SH3GL2: variants seen among roughly 807,000 people sequenced by gnomAD.
SH3GL2 encodes the protein endophilin-A1.
A neutral mutation model predicts 46.0 loss-of-function variants in SH3GL2; 24 were observed. The ratio of observed to expected loss-of-function variants is 0.52; its 90% CI spans 0.38 to 0.73. The LOEUF is 0.73. Among genes scored for constraint, SH3GL2 ranks in the 30% least tolerant of loss-of-function variants. The pLI is 0.00. For missense variants in SH3GL2, 413 were observed against 424.2 expected, an observed-to-expected ratio of 0.97 and a Z score of 0.23; for synonymous variants, 196 against 147.1, an observed-to-expected ratio of 1.33 and a Z score of -2.40.
chr9:17,766,622 A>T (rs993914880), intron 3 of SH3GL2, among the ~76,000 whole-genome samples: 1 of 152,224 alleles, frequency 6.6e-6, no homozygotes, highest in African/African-American at 2.4e-5. Context: ...TATTTTATTT[A>T]ACCCATTATA....
At chr9:17,708,100 CT>C (rs1821521070) in intron 1 of SH3GL2, among the ~76,000 whole-genome samples, 1 of 152,020 alleles carries the variant, frequency 6.6e-6, no homozygotes, top group South Asian at 2.1e-4. Context: ...CCCTGAGGGC[CT>C]CTGAGGTGGG....
At chr9:17,609,905 C>T (rs367867450) in intron 1 of SH3GL2, among the ~76,000 whole-genome samples, 1 of 152,160 alleles carries the variant, frequency 6.6e-6, no homozygotes, top group African/African-American at 2.4e-5. Flanking sequence ...AATCATTTTG[C>T]CACCCTAGAG....
At position 17,672,926 on chromosome 9, in the gene SH3GL2, G is replaced by A. The variant is rs749783338; in HGVS notation, c.46-74140G>A. The stretch of plus-strand genomic sequence containing the variant: ...AGGCCCAACTCAAAATGTCTAAAGT[G>A]AATTAATCTCTTAGCTGTCTTCTCC... On this transcript the variant is annotated intron_variant, in intron 1 of 8. Transcript: ENST00000380607. Among the ~76,000 whole-genome samples, 78 of 152,258 alleles carry A rather than the reference G, an allele frequency of 5.1e-4. 1 individual carries two copies. In the Middle Eastern group the frequency reaches 0.02, roughly 40 times the overall value.
chr9:17,653,789 G>A (rs1030966682), intron 1 of SH3GL2: 1 of 597,410 alleles, frequency 1.7e-6, no homozygotes, highest in Admixed American at 6.3e-5. Flanking sequence ...TCAATTTGAG[G>A]GTGGCTGAAT....
At chr9:17,734,387 A>G (rs12238402) in intron 1 of SH3GL2, among the ~76,000 whole-genome samples, 40,592 of 152,002 alleles carry the variant, frequency 0.27, 6,362 homozygotes, top group East Asian at 0.5. Flanking sequence ...TTGCATTGGT[A>G]AAGTACTTTA....
chr9:17,613,527 C>T (rs1306577155), intron 1 of SH3GL2, among the ~76,000 whole-genome samples: 1 of 152,156 alleles, frequency 6.6e-6, no homozygotes, highest in African/African-American at 2.4e-5. Flanking sequence ...TCTAAGCACC[C>T]TAGAGGAAGG....
chr9:17,716,339 A>G (rs1821757092), intron 1 of SH3GL2, among the ~76,000 whole-genome samples: 2 of 152,114 alleles, frequency 1.3e-5, no homozygotes, highest in South Asian at 2.1e-4. Context: ...GTTCTGGGAC[A>G]CAGCGAAATT....
intron 1 of SH3GL2, among the ~76,000 whole-genome samples, chr9:17,708,555 A>G (rs1159701701): frequency 1.3e-5 from 2 of 152,022 alleles, no homozygotes; most frequent in Non-Finnish European, 2.9e-5. Flanking sequence ...TAACAAATAT[A>G]TACGATTGCG....
chr9:17,589,083 A>G (rs1234866037), intron 1 of SH3GL2: 1 of 152,232 alleles, frequency 6.6e-6, no homozygotes, highest in East Asian at 1.9e-4. Flanking sequence ...GTATATGTGC[A>G]TATGTCCATA....
intron 1 of SH3GL2, among the ~76,000 whole-genome samples, chr9:17,685,817 T>C (rs1030133153): frequency 2.6e-5 from 4 of 152,138 alleles, no homozygotes; most frequent in Non-Finnish European, 5.9e-5. Context: ...ATCTCTGTTT[T>C]GGTACCAGTA....
intron 1 of SH3GL2, among the ~76,000 whole-genome samples, chr9:17,686,737 A>G (rs1036991689): frequency 1.4e-5 from 2 of 140,188 alleles, no homozygotes; most frequent in African/African-American, 5.4e-5. Flanking sequence ...GGAATTGAAC[A>G]GTGAAATCAC....
intron 1 of SH3GL2, among the ~76,000 whole-genome samples, chr9:17,710,099 T>G (rs538042122): frequency 6.6e-6 from 1 of 151,936 alleles, no homozygotes; most frequent in African/African-American, 2.4e-5. Flanking sequence ...GGAACTGATA[T>G]GGTTTGGCTG....
chr9:17,678,647 T>G (rs1371836059), intron 1 of SH3GL2, among the ~76,000 whole-genome samples: 5 of 152,226 alleles, frequency 3.3e-5, no homozygotes, highest in Admixed American at 2.0e-4. Flanking sequence ...TAGATCCCAT[T>G]TGTCAATTTT....
At chr9:17,656,911 A>G (rs999212405) in intron 1 of SH3GL2, among the ~76,000 whole-genome samples, 1 of 152,152 alleles carries the variant, frequency 6.6e-6, no homozygotes, top group Non-Finnish European at 1.5e-5. Context: ...AGAAGTTCTT[A>G]TAGTGAAGAT....
At chr9:17,705,243 C>A (rs1046417294) in intron 1 of SH3GL2, among the ~76,000 whole-genome samples, 1 of 151,994 alleles carries the variant, frequency 6.6e-6, no homozygotes, top group African/African-American at 2.4e-5. Flanking sequence ...CAGACAATAA[C>A]AGATGTTGGC....
intron 1 of SH3GL2, among the ~76,000 whole-genome samples, chr9:17,612,478 T>C (rs1331025784): frequency 2.0e-5 from 3 of 152,212 alleles, no homozygotes; most frequent in Non-Finnish European, 2.9e-5. Flanking sequence ...GTGATTCTTA[T>C]GTACATTAAG....
intron 8 of SH3GL2, among the ~76,000 whole-genome samples, chr9:17,795,135 C>T (rs577445527): frequency 6.6e-6 from 1 of 152,174 alleles, no homozygotes; most frequent in Non-Finnish European, 1.5e-5. Flanking sequence ...TTTTAAAGTG[C>T]TCAGATGAGA....
At chr9:17,752,740 C>T (rs542050827) in intron 2 of SH3GL2, among the ~76,000 whole-genome samples, 11 of 152,198 alleles carry the variant, frequency 7.2e-5, no homozygotes, top group African/African-American at 2.2e-4. Context: ...CAGGGGTACA[C>T]GTGCACGTTT....
chr9:17,674,293 GTCTC>G (rs1332465765), intron 1 of SH3GL2, among the ~76,000 whole-genome samples: 3 of 152,104 alleles, frequency 2.0e-5, no homozygotes, highest in Non-Finnish European at 4.4e-5. Context: ...TTAAGACGGA[GTCTC>G]TCTCTGTTGC....
Sources: gnomAD v4.1 joint callset for allele counts (sites outside exome capture counted in the v4.1 genomes callset) on GRCh38, gnomAD v4.1.1 for gene constraint, MANE v1.5 for transcripts, NCBI Gene and HGNC (gene_info 2026-07-23, HGNC 2026-07-21) for gene names.